MRPS5: variants seen among roughly 807,000 people sequenced by gnomAD.
MRPS5 encodes mitochondrial ribosomal protein S5, also known as small ribosomal subunit protein uS5m.
A neutral mutation model predicts 51.9 loss-of-function variants in MRPS5; 27 were observed. The observed-to-expected ratio is 0.52, with a 90% CI of 0.38 to 0.72. MRPS5 has a LOEUF of 0.72. Ranked by LOEUF, MRPS5 falls within the 30% of genes least tolerant of loss-of-function variation. The pLI is 0.00. For missense variants in MRPS5, 570 were observed against 545.7 expected (o/e 1.04, Z -0.44); for synonymous variants, 196 against 193.2 (o/e 1.01, Z -0.12).
chr2:95,106,680 T>TCC lies in MRPS5; in HGVS notation c.638-225_638-224dup. The stretch of plus-strand genomic sequence containing the variant: ...ACTGATCTCCCCACCTGCACCCTCC[T>TCC]CCCCATCCATCTCTCATCAGCTCCT... On this transcript the variant is annotated intron_variant, in intron 5 of 11. Transcript: ENST00000272418. The TCC allele has an allele frequency of 5.3e-6, 3 of 569,808 alleles. No homozygotes were observed. In the South Asian group the frequency reaches 6.1e-5, roughly 12 times the overall value. The allele number at this position is 569,808 out of a possible 1,614,324, so 35.3% of individuals were successfully genotyped here.
upstream of MRPS5, chr2:95,121,828 G>A (rs914124258): frequency 7.3e-6 from 11 of 1,514,720 alleles, no homozygotes; most frequent in African/African-American, 1.0e-4. Flanking sequence ...TCCGCCCAGG[G>A]CAGCCTTGCC....
chr2:95,106,554 G>A, intron 5 of MRPS5, 97 bp from the exon 6 acceptor site: 1 of 1,021,320 alleles, frequency 9.8e-7, no homozygotes, highest in South Asian at 1.3e-5. Context: ...ACCTTTCGGG[G>A]AGAAAGAATC....
intron 1 of MRPS5, 72 bp downstream of exon 1, chr2:95,121,662 T>G: frequency 6.8e-7 from 1 of 1,474,998 alleles, no homozygotes. Context: ...CGCCCCGACT[T>G]CTGCAGGCCC....
chr2:95,121,996 G>T (rs543830516), upstream of MRPS5: 2 of 547,992 alleles, frequency 3.6e-6, no homozygotes, highest in East Asian at 7.1e-5. Flanking sequence ...ACAGCCCCGC[G>T]GGCGCCTCCC....
Position 95,121,784 on chromosome 2 carries a change from G to A in MRPS5, c.8C>T (p.Thr3Ile), listed in dbSNP as rs758942582. The change falls in exon 1 of 12, where the codon ACC (threonine) becomes ATC (isoleucine). Residue 3 changes from threonine (T) to isoleucine (I), a missense_variant. By Grantham distance (89) the Thr-to-Ile change is moderately conservative. Transcript: ENST00000272418. ...GAGGCAGCCCACAGCGCGCACCGCG[G>A]TCGCCATGCTGGAGTCCGAGCCGCG... Reference protein sequence around the residue: MATAVRAVGCLPV... With the variant: MAIAVRAVGCLPV... 4.5e-6 allele frequency: 7 copies of A among 1,550,366 alleles called. No individual in the cohort carries two copies. The highest frequency in any genetic ancestry group is 3.7e-5 in the Admixed American group (2 of 53,832).
intron 11 of MRPS5, 56 bp from the exon 12 acceptor site, chr2:95,087,637 G>A (rs1675336493): frequency 1.3e-6 from 2 of 1,485,386 alleles, no homozygotes; most frequent in East Asian, 2.3e-5. Context: ...GCAACATAAA[G>A]AGCAGGAACT....
chr2:95,116,345 T>G (rs1676285414), intron 2 of MRPS5, among the ~76,000 whole-genome samples: 1 of 152,042 alleles, frequency 6.6e-6, no homozygotes, highest in Non-Finnish European at 1.5e-5. Context: ...TCTGATATAC[T>G]TTAAAAAGTG....
At chr2:95,111,472 A>C (rs1676114530) in intron 3 of MRPS5, among the ~76,000 whole-genome samples, 1 of 152,216 alleles carries the variant, frequency 6.6e-6, no homozygotes, top group Non-Finnish European at 1.5e-5. Context: ...AAAGAACTTG[A>C]CATTGAGACA....
chr2:95,100,024 C>T (rs1288350955), intron 10 of MRPS5, among the ~76,000 whole-genome samples: 1 of 152,120 alleles, frequency 6.6e-6, no homozygotes, highest in Admixed American at 6.5e-5. Flanking sequence ...TGCTTGTCCA[C>T]AAAACAGGAA....
In MRPS5 at chr2:95,109,953, TTTC is replaced by T; in HGVS notation, c.363_365del (p.Lys122del). On this transcript the variant is annotated inframe_deletion, in exon 4 of 12. Coordinates refer to ENST00000272418, the MANE Select transcript of MRPS5 (RefSeq NM_031902.5). Reference sequence around the variant, plus strand: ...TCTGACCCCTGTTCAGATCCTTTCTTTTCTTCTTTTTAGTTCTTTTGCCTCTTC... The same window carrying T: ...TCTGACCCCTGTTCAGATCCTTTCTTTTCTTTTTAGTTCTTTTGCCTCTTC... 1 of 1,613,932 alleles carries T rather than the reference TTTC, an allele frequency of 6.2e-7. No homozygotes were observed. The highest frequency in any genetic ancestry group is 2.2e-5 in the East Asian group (1 of 44,872).
At chr2:95,113,326 A>C (rs1676182066) in intron 3 of MRPS5, among the ~76,000 whole-genome samples, 1 of 151,838 alleles carries the variant, frequency 6.6e-6, no homozygotes, top group African/African-American at 2.4e-5. Flanking sequence ...AATACAAAAA[A>C]TTAGCTGGGC....
intron 4 of MRPS5, among the ~76,000 whole-genome samples, chr2:95,109,314 G>A (rs1676046299): frequency 6.6e-6 from 1 of 152,212 alleles, no homozygotes; most frequent in African/African-American, 2.4e-5. Context: ...AAGATGGTTT[G>A]TCAGCAAGCA....
chr2:95,118,971 G>A (rs1476869875), intron 1 of MRPS5, among the ~76,000 whole-genome samples: 2 of 151,924 alleles, frequency 1.3e-5, no homozygotes, highest in Non-Finnish European at 2.9e-5. Flanking sequence ...CAAAAGCACA[G>A]CAACAAAAAG....
At chr2:95,100,984 A>T (rs1302122760) in intron 8 of MRPS5, 90 bp from the exon 9 acceptor site, 4 of 1,185,792 alleles carry the variant, frequency 3.4e-6, no homozygotes, top group Non-Finnish European at 4.8e-6. Context: ...ATGTTTCATT[A>T]TCAAAAATTC....
intron 2 of MRPS5, among the ~76,000 whole-genome samples, chr2:95,116,943 C>A (rs980412357): frequency 6.6e-6 from 1 of 152,036 alleles, no homozygotes; most frequent in Non-Finnish European, 1.5e-5. Context: ...GAGTTCAAGA[C>A]CAGCCTAGCC....
chr2:95,097,582 A>G (rs1203966487), intron 10 of MRPS5, among the ~76,000 whole-genome samples: 1 of 152,256 alleles, frequency 6.6e-6, no homozygotes, highest in East Asian at 1.9e-4. Flanking sequence ...AAACCTGACA[A>G]AAACAAGAAA....
intron 10 of MRPS5, among the ~76,000 whole-genome samples, chr2:95,096,588 C>A (rs1316428570): frequency 6.6e-6 from 1 of 152,086 alleles, no homozygotes; most frequent in East Asian, 1.9e-4. Context: ...ATGTCAAAAC[C>A]ACATGATTAT....
intron 1 of MRPS5, among the ~76,000 whole-genome samples, chr2:95,119,702 C>A (rs1043775165): frequency 6.6e-6 from 1 of 151,824 alleles, no homozygotes; most frequent in African/African-American, 2.4e-5. Context: ...AAATTGGAAG[C>A]CTCATATACT....
rs143379862 is a variant in MRPS5, at chr2:95,117,785, T to C, written c.139+80A>G. ...GAGAGAAAAGAAAAAAGCAGGTGAT[T>C]ACTTATATTTTTTAAAACTACAGAA... On this transcript the variant is annotated intron_variant, in intron 2 of 11. Transcript: ENST00000272418. 52 of 1,165,398 alleles carry C rather than the reference T, an allele frequency of 4.5e-5. No individual in the cohort carries two copies. In the East Asian group the frequency reaches 1.2e-3, roughly 27 times the overall value. 72.2% of individuals were successfully genotyped at this position (1,165,398 alleles called of 1,614,324 possible).
Sources: gnomAD v4.1 joint callset for allele counts (sites outside exome capture counted in the v4.1 genomes callset) on GRCh38, gnomAD v4.1.1 for gene constraint, MANE v1.5 for transcripts, NCBI Gene and HGNC (gene_info 2026-07-23, HGNC 2026-07-21) for gene names.